Variants in RAB2A observed in about 807,000 individuals in gnomAD.
The protein encoded by RAB2A is ras-related protein Rab-2A.
RAB2A carries 7 observed loss-of-function variants against 32.5 expected under a neutral mutation model. That is an observed-to-expected ratio of 0.22 (90% confidence interval 0.12 to 0.40). The LOEUF (loss-of-function observed/expected upper bound fraction) is 0.40. Among genes scored for constraint, RAB2A ranks in the 10% least tolerant of loss-of-function variants. The pLI, the probability that RAB2A is intolerant of heterozygous loss-of-function variation, is 1.00. For missense variants in RAB2A, 108 were observed against 260.7 expected (o/e 0.41, Z 4.03); for synonymous variants, 79 against 85.2 (o/e 0.93, Z 0.40).
chr8:60,537,094 A>G (rs546887640), intron 1 of RAB2A, among the ~76,000 whole-genome samples: 1 of 152,348 alleles, frequency 6.6e-6, no homozygotes, highest in African/African-American at 2.4e-5. Flanking sequence ...AGTAATTTCT[A>G]GGTTTTTTAT....
intron 6 of RAB2A, among the ~76,000 whole-genome samples, chr8:60,609,702 A>T (rs1382234438): frequency 6.6e-6 from 1 of 152,098 alleles, no homozygotes; most frequent in African/African-American, 2.4e-5. Context: ...ATGGTAGCTC[A>T]CACCTATACT....
At chr8:60,532,900 C>G (rs1807498860) in intron 1 of RAB2A, among the ~76,000 whole-genome samples, 1 of 152,190 alleles carries the variant, frequency 6.6e-6, no homozygotes, top group South Asian at 2.1e-4. Flanking sequence ...TATGTGCAGT[C>G]CTGGATTTTT....
Position 60,584,199 on chromosome 8 carries a change from T to C in RAB2A, c.187-9T>C. 1 of 1,585,250 alleles carries C rather than the reference T, an allele frequency of 6.3e-7. No homozygotes were observed. Among genetic ancestry groups the C allele is most frequent in the South Asian group, 1.1e-5 (1 of 90,438 alleles). On this transcript the variant is annotated splice_polypyrimidine_tract_variant and intron_variant, in intron 3 of 7. Transcript: ENST00000262646. ...AAAGGAAACTCTCCAACCTTTTTTT[T>C]CGTTACAGGCAGGGCAAGAATCCTT...
chr8:60,588,099 T>A (rs1803878505), intron 5 of RAB2A, among the ~76,000 whole-genome samples: 1 of 152,110 alleles, frequency 6.6e-6, no homozygotes, highest in Non-Finnish European at 1.5e-5. Flanking sequence ...GTAGGGAGAC[T>A]TCTTCTATAC....
intron 6 of RAB2A, among the ~76,000 whole-genome samples, chr8:60,615,507 G>A (rs1043563114): frequency 2.0e-4 from 30 of 151,988 alleles, no homozygotes; most frequent in African/African-American, 6.3e-4. Context: ...TTTATATATG[G>A]GATTGATATT....
At chr8:60,592,278 G>A (rs1803955364) in intron 6 of RAB2A, among the ~76,000 whole-genome samples, 1 of 152,094 alleles carries the variant, frequency 6.6e-6, no homozygotes, top group African/African-American at 2.4e-5. Flanking sequence ...AGTCAGTCTG[G>A]CCAATGGAGG....
intron 2 of RAB2A, among the ~76,000 whole-genome samples, chr8:60,563,524 CTT>C (rs1472737001): frequency 1.4e-4 from 21 of 152,270 alleles, no homozygotes; most frequent in Middle Eastern, 3.4e-3. Context: ...TGGAAATACA[CTT>C]TATGTGCTTT....
At chr8:60,573,978 A>C (rs1808232875) in intron 3 of RAB2A, among the ~76,000 whole-genome samples, 1 of 152,226 alleles carries the variant, frequency 6.6e-6, no homozygotes, top group South Asian at 2.1e-4. Context: ...GAACTGATTT[A>C]CGTAAACTAA....
chr8:60,525,277 A>G (rs150970865), intron 1 of RAB2A, among the ~76,000 whole-genome samples: 6 of 152,242 alleles, frequency 3.9e-5, no homozygotes, highest in Middle Eastern at 6.8e-3. Context: ...TGATGGTTTT[A>G]TAAGTGTTTG....
chr8:60,583,416 T>C lies in RAB2A; in HGVS notation c.187-792T>C, dbSNP rs111772391. Among the ~76,000 whole-genome samples the C allele has an allele frequency of 4.0e-3, 615 of 152,282 alleles. 9 individuals carry two copies. Among genetic ancestry groups the C allele is most frequent in the African/African-American group, 0.014 (594 of 41,558 alleles). ...CAATTCTTAAAAAAACAGAAATTAG[T>C]ACCATGAGTAAAAGAGAAATTACCT... On this transcript the variant is annotated intron_variant, in intron 3 of 7. Transcript: ENST00000262646.
intron 6 of RAB2A, among the ~76,000 whole-genome samples, chr8:60,616,123 A>C (rs1804444253): frequency 6.6e-6 from 1 of 152,218 alleles, no homozygotes; most frequent in South Asian, 2.1e-4. Context: ...CTGTATGTAC[A>C]TCCTTAATTC....
chr8:60,575,940 C>A (rs1803610282), intron 3 of RAB2A, among the ~76,000 whole-genome samples: 1 of 152,108 alleles, frequency 6.6e-6, no homozygotes, highest in Non-Finnish European at 1.5e-5. Context: ...TAGGTGTGAG[C>A]CACTGCACCT....
intron 6 of RAB2A, among the ~76,000 whole-genome samples, chr8:60,601,241 G>A (rs1466237612): frequency 2.2e-5 from 2 of 89,892 alleles, no homozygotes; most frequent in African/African-American, 1.4e-4. Context: ...TTTCTGCACA[G>A]GGCAAACTTT....
intron 1 of RAB2A, among the ~76,000 whole-genome samples, chr8:60,522,459 C>G (rs1003795825): frequency 6.6e-6 from 1 of 152,082 alleles, no homozygotes; most frequent in Non-Finnish European, 1.5e-5. Context: ...ATTGATTACA[C>G]TGAAAGAGTT....
chr8:60,554,496 A>G (rs942870418), intron 1 of RAB2A, among the ~76,000 whole-genome samples: 13 of 152,204 alleles, frequency 8.5e-5, no homozygotes, highest in Non-Finnish European at 1.8e-4. Context: ...AGGATGATGA[A>G]CAAGAGAATG....
intron 6 of RAB2A, among the ~76,000 whole-genome samples, chr8:60,604,762 A>G (rs1328000746): frequency 6.6e-6 from 1 of 152,202 alleles, no homozygotes; most frequent in Non-Finnish European, 1.5e-5. Flanking sequence ...GTTGCCTCTA[A>G]TAGCCTATCT....
Position 60,558,843 on chromosome 8 carries a change from A to T in RAB2A, c.47-9A>T, listed in dbSNP as rs1407887575. ...TTTTGTCTCTTATTTATTTTTTTTT[A>T]ACTTTCAGGTGTTGGTAAATCATGC... is the stretch of plus-strand genomic sequence containing the variant. On this transcript the variant is annotated splice_polypyrimidine_tract_variant and intron_variant, in intron 1 of 7. Transcript: ENST00000262646. 2.5e-6 allele frequency: 4 copies of T among 1,605,722 alleles called. No homozygotes were observed. Among genetic ancestry groups the T allele is most frequent in the Non-Finnish European group, 2.6e-6 (3 of 1,173,258 alleles).
intron 5 of RAB2A, among the ~76,000 whole-genome samples, chr8:60,590,070 T>TC (rs1803915784): frequency 6.6e-6 from 1 of 151,976 alleles, no homozygotes; most frequent in Admixed American, 6.6e-5. Flanking sequence ...CAAGCAATTC[T>TC]CCCGCCTCAG....
At chr8:60,560,748 G>GTTTTTTTT (rs56360493) in intron 2 of RAB2A, among the ~76,000 whole-genome samples, 1 of 144,364 alleles carries the variant, frequency 6.9e-6, no homozygotes, top group Non-Finnish European at 1.5e-5. Context: ...TTTGTTTTTT[G>GTTTTTTTT]TTTTTTTTTT....
Sources: allele counts gnomAD v4.1 joint callset (sites outside exome capture counted in the v4.1 genomes callset), GRCh38; gene constraint gnomAD v4.1.1; transcripts MANE v1.5; gene names NCBI Gene and HGNC (gene_info 2026-07-23, HGNC 2026-07-21).